Variants in BAALC observed in about 807,000 individuals in gnomAD.
The protein encoded by BAALC is BAALC binder of MAP3K1 and KLF4, also known as brain and acute leukemia cytoplasmic protein.
Under a neutral mutation model 15.5 loss-of-function variants are expected in BAALC, and 9 were observed. The ratio of observed to expected loss-of-function variants is 0.58; its 90% CI spans 0.35 to 1.02. The LOEUF is 1.02. BAALC is among the 50% of genes least tolerant of loss of function. The pLI is 0.02. For missense variants in BAALC, 201 were observed against 192.4 expected (o/e 1.04, Z -0.27); for synonymous variants, 80 against 74.6 (o/e 1.07, Z -0.37).
At chr8:103,177,448 G>GC (rs1811632709) in intron 1 of BAALC, among the ~76,000 whole-genome samples, 1 of 152,140 alleles carries the variant, frequency 6.6e-6, no homozygotes, top group African/African-American at 2.4e-5. Flanking sequence ...GCCTCCCAAA[G>GC]CACTGGGAGT....
intron 1 of BAALC, among the ~76,000 whole-genome samples, chr8:103,185,988 G>C (rs917331038): frequency 2.6e-5 from 4 of 152,034 alleles, no homozygotes; most frequent in African/African-American, 9.7e-5. Context: ...GCTTGTTCTG[G>C]TGTCTTGGGT....
At position 103,229,759 on chromosome 8, in the gene BAALC, C is replaced by T. The variant is rs1159909364; in HGVS notation, c.*1660C>T. The T allele has an allele frequency of 1.3e-5, 2 of 152,164 alleles. No homozygotes were observed. Among genetic ancestry groups the T allele is most frequent in the African/African-American group, 2.4e-5 (1 of 41,444 alleles). 9.4% of individuals were successfully genotyped at this position (152,164 alleles called of 1,614,324 possible). A position where few individuals can be genotyped will look rare whatever the true frequency, so the allele number is the denominator to read the frequency against. ...TCAATGTACAAGACTTTACCATACACGCAACTATAGTTTTTCTAAACCTTC... is the reference window on the plus strand; with the variant it reads ...TCAATGTACAAGACTTTACCATACATGCAACTATAGTTTTTCTAAACCTTC... On this transcript the variant is annotated 3_prime_UTR_variant, in exon 3 of 3. Coordinates refer to ENST00000309982, the MANE Select transcript of BAALC (RefSeq NM_024812.3).
chr8:103,160,299 A>G (rs1586383354), intron 1 of BAALC, among the ~76,000 whole-genome samples: 2 of 152,308 alleles, frequency 1.3e-5, no homozygotes. Context: ...TATCCCTTAG[A>G]GGATTCCATT....
chr8:103,216,174 T>C (rs1812549716), intron 2 of BAALC, among the ~76,000 whole-genome samples: 1 of 152,260 alleles, frequency 6.6e-6, no homozygotes, highest in Non-Finnish European at 1.5e-5. Flanking sequence ...TTTTACTTGA[T>C]AAACATTTGG....
At chr8:103,204,345 C>T (rs1812283256) in intron 1 of BAALC, among the ~76,000 whole-genome samples, 1 of 152,130 alleles carries the variant, frequency 6.6e-6, no homozygotes, top group African/African-American at 2.4e-5. Context: ...AATTTGTAAA[C>T]TTTTTCTCCT....
chr8:103,181,489 G>A (rs543599326), intron 1 of BAALC, among the ~76,000 whole-genome samples: 10 of 152,038 alleles, frequency 6.6e-5, no homozygotes, highest in African/African-American at 1.2e-4. Flanking sequence ...AGCCAGGATG[G>A]TCTCGATCTC....
intron 2 of BAALC, among the ~76,000 whole-genome samples, chr8:103,221,411 C>T (rs937301688): frequency 6.6e-6 from 1 of 150,498 alleles, no homozygotes; most frequent in African/African-American, 2.4e-5. Flanking sequence ...GGCACAGCTG[C>T]ATGAGAAAAA....
chr8:103,213,775 C>T (rs1010834134), intron 2 of BAALC, among the ~76,000 whole-genome samples: 2 of 152,066 alleles, frequency 1.3e-5, no homozygotes, highest in Non-Finnish European at 2.9e-5. Flanking sequence ...CCTTATCTTC[C>T]CTATGCCCCA....
chr8:103,154,261 C>T (rs1311049524), intron 1 of BAALC, among the ~76,000 whole-genome samples: 1 of 152,064 alleles, frequency 6.6e-6, no homozygotes, highest in East Asian at 1.9e-4. Context: ...GATGGCTTGT[C>T]TAAATGTACA....
chr8:103,216,469 A>C (rs1812558717), intron 2 of BAALC, among the ~76,000 whole-genome samples: 2 of 150,422 alleles, frequency 1.3e-5, no homozygotes, highest in Non-Finnish European at 2.9e-5. Context: ...CTACTTATTA[A>C]TTAATTAATT....
chr8:103,191,204 A>G (rs1179968236), intron 1 of BAALC: 1 of 152,174 alleles, frequency 6.6e-6, no homozygotes, highest in Non-Finnish European at 1.5e-5. Flanking sequence ...TCTAAAAAAA[A>G]AAAAAGTTGA....
intron 1 of BAALC, chr8:103,183,448 A>G (rs1339241232): frequency 1.4e-6 from 1 of 702,908 alleles, no homozygotes; most frequent in African/African-American, 1.7e-5. Flanking sequence ...CTGTGCAGGT[A>G]GCATGGCCAC....
intron 1 of BAALC, among the ~76,000 whole-genome samples, chr8:103,171,305 G>A (rs1348111616): frequency 6.7e-6 from 1 of 148,234 alleles, no homozygotes; most frequent in Non-Finnish European, 1.5e-5. Context: ...AGGGGGGAGG[G>A]AGGAGGAAAC....
intron 1 of BAALC, among the ~76,000 whole-genome samples, chr8:103,180,745 G>A (rs1811708012): frequency 6.6e-6 from 1 of 152,180 alleles, no homozygotes; most frequent in African/African-American, 2.4e-5. Flanking sequence ...AACCCTTTCA[G>A]GCAAGGAGGA....
chr8:103,177,193 G>GTTTTTT (rs67361726), intron 1 of BAALC, among the ~76,000 whole-genome samples: 1 of 145,440 alleles, frequency 6.9e-6, no homozygotes, highest in African/African-American at 2.6e-5. Context: ...TTGTTGTTTT[G>GTTTTTT]TTTTTTTTTT....
At chr8:103,193,598 T>C (rs925093064) in intron 1 of BAALC, among the ~76,000 whole-genome samples, 8 of 152,230 alleles carry the variant, frequency 5.3e-5, no homozygotes, top group African/African-American at 1.9e-4. Context: ...AAGACATCTT[T>C]AGAGTCACAC....
chr8:103,205,033 C>T (rs572872191), intron 1 of BAALC, among the ~76,000 whole-genome samples: 4 of 152,276 alleles, frequency 2.6e-5, no homozygotes, highest in Non-Finnish European at 4.4e-5. Context: ...GAGATTCTTT[C>T]CATATTGATT....
At chr8:103,177,561 C>G (rs555287486) in intron 1 of BAALC, among the ~76,000 whole-genome samples, 1 of 152,150 alleles carries the variant, frequency 6.6e-6, no homozygotes, top group African/African-American at 2.4e-5. Context: ...CCCCTAGGAC[C>G]GCAGTTTCTG....
chr8:103,199,894 T>A (rs1273217125), intron 1 of BAALC, among the ~76,000 whole-genome samples: 1 of 152,210 alleles, frequency 6.6e-6, no homozygotes, highest in Non-Finnish European at 1.5e-5. Flanking sequence ...CACTTATCAG[T>A]GAGAACATGT....
Sources: gnomAD v4.1 joint callset for allele counts (sites outside exome capture counted in the v4.1 genomes callset) on GRCh38, gnomAD v4.1.1 for gene constraint, MANE v1.5 for transcripts, NCBI Gene and HGNC (gene_info 2026-07-23, HGNC 2026-07-21) for gene names.